Variants in ZNF630 observed in about 807,000 individuals in gnomAD.
The protein encoded by ZNF630 is zinc finger protein 630.
A neutral mutation model predicts 7.2 loss-of-function variants in ZNF630; 5 were observed. The ratio of observed to expected loss-of-function variants is 0.70; its 90% CI spans 0.36 to 1.46. ZNF630 has a LOEUF of 1.46. ZNF630 is among the 40% of genes most tolerant of loss of function. The pLI is 0.03. For synonymous variants in ZNF630, 158 were observed against 162.8 expected (o/e 0.97, Z 0.23); for missense variants, 461 against 477.0 (o/e 0.97, Z 0.31).
chrX:48,064,366 T>G (rs781800510), intron 2 of ZNF630, among the ~76,000 whole-genome samples: 1 of 112,197 alleles, frequency 8.9e-6, no homozygotes, highest in South Asian at 3.7e-4. Context: ...TTTGACAATG[T>G]ACATCAGTAG....
intron 1 of ZNF630, among the ~76,000 whole-genome samples, chrX:48,068,864 G>A (rs929966088): frequency 1.8e-5 from 2 of 111,256 alleles, no homozygotes; most frequent in African/African-American, 3.3e-5. Flanking sequence ...GTCGTACTAC[G>A]GGAATTAAGT....
rs186900313 is a variant in ZNF630 at position 48,064,009 on chromosome X, A to T, written c.15+2863T>A. Among the ~76,000 whole-genome samples the T allele has an allele frequency of 4.1e-4, 46 of 111,741 alleles. 3 individuals carry two copies. In the East Asian group the frequency reaches 0.013, roughly 31 times the overall value. On this transcript the variant is annotated intron_variant, in intron 2 of 4. Coordinates refer to ENST00000276054, the MANE Select transcript of ZNF630 (RefSeq NM_001282201.2). ...ACACAAATACTTCACAAATATAAAA[A>T]GATATCTTTATATGGTTGTTTTATT...
rs782764306 is a variant in ZNF630, at chrX:48,062,307, A to AT, written c.16-1363dup. On this transcript the variant is annotated intron_variant, in intron 2 of 4. Transcript: ENST00000276054. ...CATAAACATTCACTTATGTGAGCAA[A>AT]TGACATGTGTGAAGACACTGCTCTA... Among the ~76,000 whole-genome samples, 62 of 112,861 alleles carry AT rather than the reference A, an allele frequency of 5.5e-4. 1 individual carries two copies. The highest frequency in any genetic ancestry group is 9.8e-4 in the Non-Finnish European group (52 of 53,300).
chrX:48,059,869 T>C lies in ZNF630; in HGVS notation c.573A>G (p.Leu191=). The change falls in exon 5 of 5, where the codon TTA becomes TTG. Residue 191 remains leucine, a synonymous_variant. Transcript: ENST00000276054. ...CENSLKSNSD[L]LNYNRSYARK... ...TTGCATAGCTCCTGTTATAATTTAG[T>C]AAGTCTGAATTAGACTTCAAGCTAT... is the stretch of plus-strand genomic sequence containing the variant. 2 of 1,207,820 alleles carry C rather than the reference T, an allele frequency of 1.7e-6. No individual in the cohort carries two copies.
At chrX:48,065,239 T>A (rs1447285993) in intron 2 of ZNF630, among the ~76,000 whole-genome samples, 1 of 110,858 alleles carries the variant, frequency 9.0e-6, no homozygotes, top group African/African-American at 3.3e-5. Context: ...CAGTGGCTCA[T>A]GCCTGTAATC....
At chrX:48,068,979 C>T (rs781899703) in intron 1 of ZNF630, among the ~76,000 whole-genome samples, 1 of 111,419 alleles carries the variant, frequency 9.0e-6, no homozygotes, top group East Asian at 2.8e-4. Flanking sequence ...GTGGCTCACA[C>T]CTGTCATCCC....
chrX:48,068,292 G>A (rs782552167), intron 1 of ZNF630, among the ~76,000 whole-genome samples: 8 of 105,869 alleles, frequency 7.6e-5, no homozygotes, highest in African/African-American at 3.0e-4. Flanking sequence ...AGGAAGGAAG[G>A]AAGGAAGAAA....
chrX:48,066,782 TTCTC>T, intron 2 of ZNF630, 86 bp downstream of exon 2: 1 of 1,112,203 alleles, frequency 9.0e-7, no homozygotes, highest in South Asian at 1.9e-5. Context: ...TGATCATCTA[TTCTC>T]TCTAAATTTC....
rs1471626137 is a variant in ZNF630, at chrX:48,071,500, G to C, written c.-409C>G. 1 of 111,511 alleles carries C rather than the reference G, an allele frequency of 9.0e-6. No individual in the cohort carries two copies. 9.2% of individuals were successfully genotyped at this position (111,511 alleles called of 1,213,427 possible). A position where few individuals can be genotyped will look rare whatever the true frequency, so the allele number is the denominator to read the frequency against. On this transcript the variant is annotated 5_prime_UTR_variant, in exon 1 of 5. Transcript: ENST00000276054. Reference sequence around the variant, plus strand: ...TGGCCGTGGTCTCGCACTGCTTCTGGAGGCTCCCATTCCAGCCAGAGGAGA... The same window carrying C: ...TGGCCGTGGTCTCGCACTGCTTCTGCAGGCTCCCATTCCAGCCAGAGGAGA...
At chrX:48,063,894 AT>A (rs201963198) in intron 2 of ZNF630, among the ~76,000 whole-genome samples, 44 of 110,763 alleles carry the variant, frequency 4.0e-4, no homozygotes, top group Non-Finnish European at 7.4e-4. Context: ...TCTCAAAAAA[AT>A]ATATATATAT....
intron 2 of ZNF630, among the ~76,000 whole-genome samples, chrX:48,061,267 A>C (rs1411684437): frequency 1.8e-5 from 2 of 111,639 alleles, no homozygotes; most frequent in Non-Finnish European, 3.8e-5. Context: ...TTCATGACAA[A>C]AATTTAAATG....
intron 2 of ZNF630, among the ~76,000 whole-genome samples, chrX:48,062,554 C>T (rs943921458): frequency 6.2e-5 from 7 of 112,039 alleles, no homozygotes; most frequent in African/African-American, 1.6e-4. Context: ...GCCAACATGG[C>T]GAAACCCCGT....
Position 48,059,640 on chromosome X carries a change from A to G in ZNF630, c.802T>C (p.Cys268Arg), listed in dbSNP as rs1556908710. ...GACTTCTTGATAAAGGCTTTCCCAC[A>G]CATACTACAAACATTGGGTTTCTCT... ...AREKPNVCSMCGKAFIKKSQL... is the reference protein window; with the variant it reads ...AREKPNVCSMRGKAFIKKSQL... Residue 268 changes from cysteine (C) to arginine (R), a missense_variant, in exon 5 of 5, where the codon TGT becomes CGT. Transcript: ENST00000276054. The G allele has an allele frequency of 8.3e-7, 1 of 1,208,665 alleles. No individual in the cohort carries two copies. The highest frequency in any genetic ancestry group is 1.1e-6 in the Non-Finnish European group (1 of 893,272).
rs141125704 is a variant in ZNF630, at chrX:48,059,486, T to C, written c.956A>G (p.Tyr319Cys). The stretch of plus-strand genomic sequence containing the variant: ...TGCTCTTCCATACTTAGTACATTCA[T>C]AGGGTTTCTCCCCAGTATGAATCCT... ...HQRIHTGEKP[Y>C]ECTKYGRAFS... Residue 319 changes from tyrosine to cysteine, a missense_variant, in exon 5 of 5, where the codon TAT becomes TGT. Physicochemically the swap from Tyr to Cys is radical, Grantham distance 194. Coordinates refer to ENST00000276054, the MANE Select transcript of ZNF630 (RefSeq NM_001282201.2). 6.3e-4 allele frequency: 766 copies of C among 1,206,666 alleles called. 12 individuals are homozygous for C. The African/African-American group carries it at 0.011, about 17-fold the overall frequency.
chrX:48,065,357 C>T (rs1363480544), intron 2 of ZNF630, among the ~76,000 whole-genome samples: 2 of 109,123 alleles, frequency 1.8e-5, no homozygotes, highest in Non-Finnish European at 3.8e-5. Flanking sequence ...CAAAAGTTAG[C>T]CTGGGAGGTC....
chrX:48,058,458 C>T lies in ZNF630; in HGVS notation c.*10G>A, dbSNP rs781912417. ...TGAGGACTGACTTCTGGGAATAGGC[C>T]TTCCCACAATCAGCATATATACAAG... is the stretch of plus-strand genomic sequence containing the variant. On this transcript the variant is annotated 3_prime_UTR_variant, in exon 5 of 5. Coordinates refer to ENST00000276054, the MANE Select transcript of ZNF630 (RefSeq NM_001282201.2). The T allele has an allele frequency of 8.7e-7, 1 of 1,149,528 alleles. No individual in the cohort carries two copies. The highest frequency in any genetic ancestry group is 1.2e-6 in the Non-Finnish European group (1 of 866,714). The allele number at this position is 1,149,528 out of a possible 1,213,427, so 94.7% of individuals were successfully genotyped here.
Position 48,058,649 on chromosome X carries a change from G to A in ZNF630, c.1793C>T (p.Thr598Ile), listed in dbSNP as rs1423807626. The stretch of plus-strand genomic sequence containing the variant: ...CATTCCAGACTCAGCACATTCAGGG[G>A]TTTTCTCCCTAGGATGAGTTTTCTG... Reference protein sequence around the residue: ...IHQKTHPREKTPECAESGMTF... With the variant: ...IHQKTHPREKIPECAESGMTF... Residue 598 changes from threonine (T) to isoleucine (I), a missense_variant, in exon 5 of 5, where the codon ACC (threonine) becomes ATC (isoleucine). Transcript: ENST00000276054. 1 of 1,205,622 alleles carries A rather than the reference G, an allele frequency of 8.3e-7. No homozygotes were observed. Among genetic ancestry groups the A allele is most frequent in the African/African-American group, 1.8e-5 (1 of 56,723 alleles).
In ZNF630 at chrX:48,071,570, T is replaced by C. The variant is rs1325250407; in HGVS notation, c.-479A>G. 1 of 110,329 alleles carries C rather than the reference T, an allele frequency of 9.1e-6. No individual in the cohort carries two copies. Among genetic ancestry groups the C allele is most frequent in the Admixed American group, 9.6e-5 (1 of 10,394 alleles). The allele number at this position is 110,329 out of a possible 1,213,427, so 9.1% of individuals were successfully genotyped here. A position where few individuals can be genotyped will look rare whatever the true frequency, so the allele number is the denominator to read the frequency against. ...GGGAGTCCTCGTGATATCTCCGAGT[T>C]TGGGTATTCGGAATTGATCCTACGA... On this transcript the variant is annotated 5_prime_UTR_variant, in exon 1 of 5. Transcript: ENST00000276054.
At chrX:48,063,897 T>A (rs1556909626) in intron 2 of ZNF630, among the ~76,000 whole-genome samples, 1 of 110,897 alleles carries the variant, frequency 9.0e-6, no homozygotes, top group African/African-American at 3.3e-5. Context: ...CAAAAAAATA[T>A]ATATATATAC....
Sources: allele counts gnomAD v4.1 joint callset (sites outside exome capture counted in the v4.1 genomes callset), GRCh38; gene constraint gnomAD v4.1.1; transcripts MANE v1.5; gene names NCBI Gene and HGNC (gene_info 2026-07-23, HGNC 2026-07-21).